MDGA2: variants seen among roughly 807,000 people sequenced by gnomAD.
MDGA2 encodes MAM domain containing glycosylphosphatidylinositol anchor 2, also known as MAM domain-containing glycosylphosphatidylinositol anchor protein 2.
MDGA2 carries 40 observed loss-of-function variants against 117.8 expected under a neutral mutation model. The observed-to-expected ratio is 0.34, with a 90% confidence interval of 0.26 to 0.44. The LOEUF is 0.44. Among genes scored for constraint, MDGA2 ranks in the 20% least tolerant of loss-of-function variants. The pLI, the probability that MDGA2 is intolerant of heterozygous loss-of-function variation, is 1.00. For synonymous variants in MDGA2, 452 were observed against 439.0 expected, an observed-to-expected ratio of 1.03 and a Z score of -0.37; for missense variants, 1,123 against 1,250.6, an observed-to-expected ratio of 0.90 and a Z score of 1.54.
At chr14:46,867,747 G>A (rs1203570945) in intron 14 of MDGA2, among the ~76,000 whole-genome samples, 1 of 151,832 alleles carries the variant, frequency 6.6e-6, no homozygotes, top group Non-Finnish European at 1.5e-5. Flanking sequence ...TCCTTTATAT[G>A]AATATCTTAG....
At position 47,253,205 on chromosome 14, in the gene MDGA2, C is replaced by T. The variant is rs569056029; in HGVS notation, c.421-35010G>A. The stretch of plus-strand genomic sequence containing the variant: ...CCTGGCCTCTCTCAAATCTCATGTC[C>T]TCACATTTCAAAACACAATCATGAC... On this transcript the variant is annotated intron_variant, in intron 2 of 16. Transcript: ENST00000399232. Among the ~76,000 whole-genome samples the T allele has an allele frequency of 2.0e-5, 3 of 152,218 alleles. No individual in the cohort carries two copies. The East Asian group carries it at 5.8e-4, about 29-fold the overall frequency.
At position 47,323,398 on chromosome 14, in the gene MDGA2, G is replaced by T. The variant is rs565717365; in HGVS notation, c.281-21848C>A. Among the ~76,000 whole-genome samples the T allele has an allele frequency of 9.0e-4, 137 of 151,644 alleles. 1 individual carries two copies. The highest frequency in any genetic ancestry group is 3.2e-3 in the African/African-American group (134 of 41,350). On this transcript the variant is annotated intron_variant, in intron 1 of 16. Coordinates refer to ENST00000399232, the MANE Select transcript of MDGA2 (RefSeq NM_001113498.3). ...CTCAGCATACTGGGAGGCCGAGGCA[G>T]GAAGATCACTAGAGGTCAGGAGTTC...
intron 1 of MDGA2, among the ~76,000 whole-genome samples, chr14:47,472,978 T>C (rs1893760784): frequency 6.6e-6 from 1 of 152,150 alleles, no homozygotes; most frequent in African/African-American, 2.4e-5. Context: ...TACAGTTGTA[T>C]AACTGAGGGT....
intron 1 of MDGA2, among the ~76,000 whole-genome samples, chr14:47,650,684 C>T (rs978109553): frequency 6.6e-6 from 1 of 152,014 alleles, no homozygotes; most frequent in Non-Finnish European, 1.5e-5. Context: ...CTGGAATAAG[C>T]AGGTTGGAAA....
chr14:47,459,355 T>A (rs1893432085), intron 1 of MDGA2, among the ~76,000 whole-genome samples: 1 of 152,102 alleles, frequency 6.6e-6, no homozygotes, highest in Non-Finnish European at 1.5e-5. Context: ...TTGTACTATT[T>A]TAAAGCATGA....
intron 1 of MDGA2, among the ~76,000 whole-genome samples, chr14:47,519,936 A>G (rs1894835407): frequency 6.6e-6 from 1 of 152,050 alleles, no homozygotes. Context: ...TTGATAATAA[A>G]CTCTCTCCTC....
At chr14:47,236,461 C>T (rs1998888) in intron 2 of MDGA2, among the ~76,000 whole-genome samples, 33,407 of 151,990 alleles carry the variant, frequency 0.22, 4,366 homozygotes, top group East Asian at 0.45. Context: ...CTGAGATTCA[C>T]ATGCTATTTC....
chr14:47,673,110 G>A (rs958790638), intron 1 of MDGA2, among the ~76,000 whole-genome samples: 1 of 152,150 alleles, frequency 6.6e-6, no homozygotes, highest in African/African-American at 2.4e-5. Context: ...GGAAAGGGGA[G>A]GAGCAGATGG....
At chr14:47,673,335 A>G (rs1342721537) in intron 1 of MDGA2, among the ~76,000 whole-genome samples, 1 of 152,116 alleles carries the variant, frequency 6.6e-6, no homozygotes, top group Non-Finnish European at 1.5e-5. Context: ...CACTTCCACA[A>G]ATATTCATTC....
intron 6 of MDGA2, among the ~76,000 whole-genome samples, chr14:47,077,948 A>G (rs1890557548): frequency 6.6e-6 from 1 of 152,078 alleles, no homozygotes; most frequent in African/African-American, 2.4e-5. Context: ...AACAAACAAG[A>G]AACAATTTTG....
At chr14:47,034,595 C>G (rs926296938) in intron 8 of MDGA2, among the ~76,000 whole-genome samples, 1 of 152,034 alleles carries the variant, frequency 6.6e-6, no homozygotes, top group African/African-American at 2.4e-5. Context: ...ATGCAATTGC[C>G]TGAAGTAAAA....
chr14:47,103,640 A>G (rs1880465697), intron 5 of MDGA2, among the ~76,000 whole-genome samples: 1 of 152,268 alleles, frequency 6.6e-6, no homozygotes, highest in Admixed American at 6.5e-5. Context: ...TATTCACAGG[A>G]CAGACATTTA....
intron 1 of MDGA2, among the ~76,000 whole-genome samples, chr14:47,412,788 C>T (rs1389471516): frequency 6.6e-6 from 1 of 152,166 alleles, no homozygotes; most frequent in African/African-American, 2.4e-5. Context: ...TTGAGGTACA[C>T]ACACAAACCA....
At chr14:47,359,847 T>A (rs1163239907) in intron 1 of MDGA2, among the ~76,000 whole-genome samples, 1 of 151,540 alleles carries the variant, frequency 6.6e-6, no homozygotes, top group African/African-American at 2.4e-5. Flanking sequence ...ACACCAAAAG[T>A]TCATGCAACA....
At chr14:47,221,687 C>A (rs1304547558) in intron 2 of MDGA2, among the ~76,000 whole-genome samples, 1,194 of 123,978 alleles carry the variant, frequency 9.6e-3, no homozygotes, top group African/African-American at 9.9e-3. Flanking sequence ...GACTCTATCT[C>A]AAAAAAAAAA....
chr14:47,565,902 GTTCA>G (rs910378364), intron 1 of MDGA2, among the ~76,000 whole-genome samples: 96 of 152,306 alleles, frequency 6.3e-4, no homozygotes, highest in African/African-American at 2.0e-3. Context: ...ATGTCCTTGT[GTTCA>G]TTCACTCTGG....
intron 5 of MDGA2, among the ~76,000 whole-genome samples, chr14:47,104,663 C>T (rs1262831594): frequency 6.6e-6 from 1 of 152,092 alleles, no homozygotes; most frequent in African/African-American, 2.4e-5. Flanking sequence ...GGTCTCTTCA[C>T]ACGGACGTGC....
At chr14:47,380,410 CAA>C (rs1272756031) in intron 1 of MDGA2, among the ~76,000 whole-genome samples, 1 of 152,004 alleles carries the variant, frequency 6.6e-6, no homozygotes, top group Admixed American at 6.6e-5. Context: ...AAAAACCCTT[CAA>C]AAAATCAGTG....
chr14:47,301,345 A>G, intron 2 of MDGA2, 66 bp downstream of exon 2: 1 of 1,520,200 alleles, frequency 6.6e-7, no homozygotes, highest in Non-Finnish European at 8.9e-7. Context: ...ATTCTAAAAT[A>G]TACACTTTTT....
Sources: gnomAD v4.1 joint callset for allele counts (sites outside exome capture counted in the v4.1 genomes callset) on GRCh38, gnomAD v4.1.1 for gene constraint, MANE v1.5 for transcripts, NCBI Gene and HGNC (gene_info 2026-07-23, HGNC 2026-07-21) for gene names.